The following SUPT3H variants were observed in gnomAD, a reference collection of about 807,000 sequenced individuals.
SUPT3H encodes transcription initiation protein SPT3 homolog.
In SUPT3H, 44 loss-of-function variants were observed where a neutral mutation model predicts 44.3. That is an observed-to-expected ratio of 0.99 (90% CI 0.78 to 1.28). The LOEUF is 1.28. SUPT3H is among the 50% of genes most tolerant of loss of function. SUPT3H has a pLI of 0.00. For synonymous variants in SUPT3H, 124 were observed against 125.6 expected (o/e 0.99, Z 0.09); for missense variants, 380 against 387.1 (o/e 0.98, Z 0.15).
chr6:44,818,539 GAA>G (rs1194182669), intron 11 of SUPT3H, among the ~76,000 whole-genome samples: 4 of 152,078 alleles, frequency 2.6e-5, no homozygotes. Context: ...CTCCAGACTT[GAA>G]AGTTTTGAAA....
At chr6:45,176,653 C>T (rs920262965) in intron 2 of SUPT3H, among the ~76,000 whole-genome samples, 4 of 152,226 alleles carry the variant, frequency 2.6e-5, no homozygotes, top group Non-Finnish European at 4.4e-5. Context: ...CAGCAGTAAC[C>T]TCTGCAGACT....
At chr6:44,954,641 T>C (rs1450468396) in intron 7 of SUPT3H, 34 bp from the exon 8 acceptor site, 3 of 1,385,620 alleles carry the variant, frequency 2.2e-6, no homozygotes, top group East Asian at 4.6e-5. Context: ...GCAGAAATTT[T>C]AATTTTTAAA....
chr6:45,305,583 C>T (rs1052543238), intron 2 of SUPT3H, among the ~76,000 whole-genome samples: 3 of 152,182 alleles, frequency 2.0e-5, no homozygotes, highest in African/African-American at 7.2e-5. Context: ...AAGCCCTCAG[C>T]ATTGTTCACT....
intron 2 of SUPT3H, among the ~76,000 whole-genome samples, chr6:45,118,913 T>C (rs1408867314): frequency 2.6e-5 from 4 of 152,170 alleles, no homozygotes; most frequent in Non-Finnish European, 4.4e-5. Flanking sequence ...ACTTGCACTC[T>C]TGCACTCTGC....
At chr6:45,035,475 C>T (rs1787540410) in intron 3 of SUPT3H, among the ~76,000 whole-genome samples, 1 of 152,142 alleles carries the variant, frequency 6.6e-6, no homozygotes, top group South Asian at 2.1e-4. Flanking sequence ...TACTAGCACT[C>T]TGACTCCTTA....
intron 10 of SUPT3H, among the ~76,000 whole-genome samples, chr6:44,852,912 G>C (rs919065751): frequency 6.6e-6 from 1 of 152,150 alleles, no homozygotes; most frequent in African/African-American, 2.4e-5. Flanking sequence ...TTTGCACTTT[G>C]TCTTGCAGGA....
intron 10 of SUPT3H, among the ~76,000 whole-genome samples, chr6:44,886,416 C>G (rs1305299312): frequency 6.6e-6 from 1 of 152,216 alleles, no homozygotes; most frequent in African/African-American, 2.4e-5. Flanking sequence ...GACAGCTGAT[C>G]TCTCGCCAGA....
At chr6:45,183,122 A>G (rs1400217857) in intron 2 of SUPT3H, among the ~76,000 whole-genome samples, 2 of 152,264 alleles carry the variant, frequency 1.3e-5, no homozygotes, top group African/African-American at 2.4e-5. Context: ...TATGCATACA[A>G]TATTATTCAG....
At chr6:45,138,675 A>G (rs370222601) in intron 2 of SUPT3H, among the ~76,000 whole-genome samples, 106 of 152,304 alleles carry the variant, frequency 7.0e-4, no homozygotes, top group African/African-American at 2.5e-3. Context: ...AAATATATGA[A>G]GACAGAAAGC....
chr6:45,234,843 T>A (rs1376445581), intron 2 of SUPT3H, among the ~76,000 whole-genome samples: 17 of 152,182 alleles, frequency 1.1e-4, no homozygotes. Flanking sequence ...AACTGTTCCA[T>A]GGTACAACAG....
intron 2 of SUPT3H, among the ~76,000 whole-genome samples, chr6:45,227,947 A>G (rs1034413812): frequency 6.6e-6 from 1 of 152,218 alleles, no homozygotes; most frequent in Non-Finnish European, 1.5e-5. Flanking sequence ...ATTTTTATCA[A>G]GATAATAAGA....
chr6:45,034,605 A>G (rs1335489543), intron 3 of SUPT3H, among the ~76,000 whole-genome samples: 2 of 152,066 alleles, frequency 1.3e-5, no homozygotes, highest in African/African-American at 4.8e-5. Context: ...CTATGGTCCA[A>G]TGATGAAAAT....
intron 2 of SUPT3H, among the ~76,000 whole-genome samples, chr6:45,307,251 C>G (rs12527586): frequency 0.15 from 22,830 of 152,214 alleles, 1,958 homozygotes; most frequent in East Asian, 0.26. Context: ...GTCCCTGTCT[C>G]ACAGCTTTGA....
rs1378720063 is a variant in SUPT3H, at chr6:45,065,652, C to G, written c.186+40270G>C. ...TATCACCACCGATCCCACAGAAATA[C>G]AAACTACCATCAGATAATACTACAA... On this transcript the variant is annotated intron_variant, in intron 3 of 10. Coordinates refer to ENST00000371459, the MANE Select transcript of SUPT3H (RefSeq NM_003599.4). Among the ~76,000 whole-genome samples, 5 of 151,032 alleles carry G rather than the reference C, an allele frequency of 3.3e-5. No individual in the cohort carries two copies. In the East Asian group the frequency reaches 9.7e-4, roughly 29 times the overall value.
At chr6:44,889,637 T>G (rs560522597) in intron 10 of SUPT3H, among the ~76,000 whole-genome samples, 16 of 152,228 alleles carry the variant, frequency 1.1e-4, no homozygotes, top group African/African-American at 2.2e-4. Flanking sequence ...ACTTAAACGT[T>G]AGACCTAAAA....
intron 10 of SUPT3H, among the ~76,000 whole-genome samples, chr6:44,882,415 T>A (rs938135722): frequency 3.3e-5 from 5 of 151,406 alleles, no homozygotes; most frequent in Non-Finnish European, 5.9e-5. Context: ...CCAAAAAGAG[T>A]CCAGGACCAG....
chr6:45,164,811 A>C (rs1055867425), intron 2 of SUPT3H, among the ~76,000 whole-genome samples: 2 of 152,150 alleles, frequency 1.3e-5, no homozygotes, highest in African/African-American at 4.8e-5. Context: ...ATTTTTCGGA[A>C]GTTCTGCTTC....
intron 10 of SUPT3H, among the ~76,000 whole-genome samples, chr6:44,838,950 T>A (rs1259077728): frequency 2.0e-5 from 3 of 152,246 alleles, no homozygotes; most frequent in African/African-American, 7.2e-5. Flanking sequence ...CATGGACATT[T>A]ACAATAATAT....
chr6:45,006,297 C>T (rs763641829), intron 5 of SUPT3H, among the ~76,000 whole-genome samples: 2 of 151,938 alleles, frequency 1.3e-5, no homozygotes, highest in African/African-American at 2.4e-5. Context: ...AGTGCAATGA[C>T]CGATATATTT....
Sources: allele counts gnomAD v4.1 joint callset (sites outside exome capture counted in the v4.1 genomes callset), GRCh38; gene constraint gnomAD v4.1.1; transcripts MANE v1.5; gene names NCBI Gene and HGNC (gene_info 2026-07-23, HGNC 2026-07-21).